NFXL1: variants seen among roughly 807,000 people sequenced by gnomAD.
NFXL1 encodes nuclear transcription factor, X-box binding like 1.
Under a neutral mutation model 123.3 loss-of-function variants are expected in NFXL1, and 66 were observed. That is an observed-to-expected ratio of 0.54 (90% confidence interval 0.44 to 0.66). The LOEUF (loss-of-function observed/expected upper bound fraction) is 0.66. Ranked by LOEUF, NFXL1 falls within the 30% of genes least tolerant of loss-of-function variation. NFXL1 has a pLI of 0.00. For synonymous variants in NFXL1, 346 were observed against 360.8 expected (o/e 0.96, Z 0.46); for missense variants, 944 against 1,125.6 (o/e 0.84, Z 2.31).
At chr4:47,854,983 T>G in intron 20 of NFXL1, 76 bp downstream of exon 20, 1 of 467,764 alleles carries the variant, frequency 2.1e-6, no homozygotes. Context: ...AACACATAGA[T>G]CAAAAAACAA....
intron 19 of NFXL1, among the ~76,000 whole-genome samples, chr4:47,859,737 G>A (rs1734615425): frequency 6.7e-6 from 1 of 149,358 alleles, no homozygotes; most frequent in African/African-American, 2.5e-5. Context: ...AGCTACTCAG[G>A]CAGCTGAGGC....
At chr4:47,887,296 A>T (rs1358789573) in intron 12 of NFXL1, among the ~76,000 whole-genome samples, 1 of 152,208 alleles carries the variant, frequency 6.6e-6, no homozygotes, top group Non-Finnish European at 1.5e-5. Context: ...AGGACCAAGC[A>T]AAACATGGAC....
At position 47,914,126 on chromosome 4, in the gene NFXL1, A is replaced by G; in HGVS notation, c.78T>C (p.Asn26=). The G allele has an allele frequency of 6.4e-7, 1 of 1,553,042 alleles. No individual in the cohort carries two copies. The highest frequency in any genetic ancestry group is 8.7e-7 in the Non-Finnish European group (1 of 1,148,764). ...RGRATAAPSG[N]GVHLRGAGGG... ...CTCCGGCGCCGCGGAGATGGACTCCATTTCCTGAGGGGGCGGCAGTGGCCC... is the reference window on the plus strand; with the variant it reads ...CTCCGGCGCCGCGGAGATGGACTCCGTTTCCTGAGGGGGCGGCAGTGGCCC... Residue 26 remains asparagine, a synonymous_variant, in exon 2 of 23, where the codon AAT becomes AAC. Coordinates refer to ENST00000507489, the MANE Select transcript of NFXL1 (RefSeq NM_001278624.2).
intron 15 of NFXL1, among the ~76,000 whole-genome samples, chr4:47,882,534 T>G (rs1029351261): frequency 6.6e-6 from 1 of 152,214 alleles, no homozygotes; most frequent in African/African-American, 2.4e-5. Flanking sequence ...ATTAAACAAC[T>G]ATAGAGCTGT....
chr4:47,877,584 T>G (rs1407542301), intron 17 of NFXL1, among the ~76,000 whole-genome samples: 1 of 152,112 alleles, frequency 6.6e-6, no homozygotes, highest in African/African-American at 2.4e-5. Flanking sequence ...TAGTTTGATT[T>G]TATAATTCTA....
intron 18 of NFXL1, among the ~76,000 whole-genome samples, chr4:47,867,084 G>C (rs920086043): frequency 1.3e-5 from 2 of 152,100 alleles, no homozygotes; most frequent in African/African-American, 2.4e-5. Context: ...ATAACTCATA[G>C]CAGTAGGTAT....
intron 10 of NFXL1, among the ~76,000 whole-genome samples, chr4:47,894,911 C>T (rs578134605): frequency 1.1e-4 from 16 of 152,254 alleles, no homozygotes; most frequent in Non-Finnish European, 2.1e-4. Flanking sequence ...CTATCTACGG[C>T]AGCTACAGCC....
chr4:47,890,053 TAATA>T, intron 12 of NFXL1, among the ~76,000 whole-genome samples: 1 of 152,044 alleles, frequency 6.6e-6, no homozygotes, highest in African/African-American at 2.4e-5. Flanking sequence ...TTTTAAAAAA[TAATA>T]AATATTATTA....
At chr4:47,892,017 T>C (rs1475674031) in intron 11 of NFXL1, among the ~76,000 whole-genome samples, 1 of 152,182 alleles carries the variant, frequency 6.6e-6, no homozygotes, top group Non-Finnish European at 1.5e-5. Flanking sequence ...TCCTATCACT[T>C]TGCCAGTGGG....
At chr4:47,911,870 C>G (rs1006427945) in intron 2 of NFXL1, among the ~76,000 whole-genome samples, 3 of 152,176 alleles carry the variant, frequency 2.0e-5, no homozygotes, top group Non-Finnish European at 2.9e-5. Context: ...GGACAGCAAA[C>G]ATAGTTTAAG....
At chr4:47,894,802 C>T (rs1190112216) in intron 10 of NFXL1, among the ~76,000 whole-genome samples, 25 of 152,104 alleles carry the variant, frequency 1.6e-4, no homozygotes, top group Non-Finnish European at 1.8e-4. Flanking sequence ...ATATTTTGAC[C>T]TACTCTCGTT....
intron 11 of NFXL1, among the ~76,000 whole-genome samples, chr4:47,892,193 A>G (rs1202258233): frequency 1.3e-5 from 2 of 152,254 alleles, no homozygotes; most frequent in East Asian, 3.8e-4. Context: ...GAGGCAGCAC[A>G]GATGGCAGTC....
intron 17 of NFXL1, among the ~76,000 whole-genome samples, chr4:47,875,531 A>C (rs1735692617): frequency 6.6e-6 from 1 of 152,206 alleles, no homozygotes; most frequent in Non-Finnish European, 1.5e-5. Flanking sequence ...AGCCTCATTA[A>C]GTCAAACTGC....
chr4:47,851,106 GT>G lies in NFXL1; in HGVS notation c.2550del (p.Lys850AsnfsTer8). ...AEAKAALEEE[K>X]RRQQAELEAF... ...TTTTGTTTGGTTACCTGTTGTCTTC[GT>G]TTTTCTTCTTCAAGAGCAGCTTTGG... On this transcript the variant is annotated frameshift_variant, in exon 22 of 23. Coordinates refer to ENST00000507489, the MANE Select transcript of NFXL1 (RefSeq NM_001278624.2). LOFTEE classifies it high-confidence loss of function. 1 of 1,610,938 alleles carries G rather than the reference GT, an allele frequency of 6.2e-7. No homozygotes were observed. The highest frequency in any genetic ancestry group is 8.5e-7 in the Non-Finnish European group (1 of 1,177,360).
At chr4:47,873,731 G>A (rs1379971485) in intron 18 of NFXL1, among the ~76,000 whole-genome samples, 1 of 152,306 alleles carries the variant, frequency 6.6e-6, no homozygotes, top group Middle Eastern at 3.4e-3. Flanking sequence ...GTCACCAGCT[G>A]CATTAGGGCC....
rs182096230 is a variant in NFXL1 at position 47,887,295 on chromosome 4, C to G, written c.1544-1296G>C. Among the ~76,000 whole-genome samples, 24 of 152,100 alleles carry G rather than the reference C, an allele frequency of 1.6e-4. No individual in the cohort carries two copies. The East Asian group carries it at 4.2e-3, about 27-fold the overall frequency. ...CTGTTGCCTAGGTGTCAGGACCAAG[C>G]AAAACATGGACCGGGAGTTAACCTG... is the stretch of plus-strand genomic sequence containing the variant. On this transcript the variant is annotated intron_variant, in intron 12 of 22. Coordinates refer to ENST00000507489, the MANE Select transcript of NFXL1 (RefSeq NM_001278624.2).
At chr4:47,856,216 GTTTCACATGTAAAA>G (rs1172627259) in intron 19 of NFXL1, among the ~76,000 whole-genome samples, 3 of 152,000 alleles carry the variant, frequency 2.0e-5, no homozygotes, top group Non-Finnish European at 1.5e-5. Context: ...ACTTCTCTGT[GTTTCACATGTAAAA>G]TTTCACATGT....
chr4:47,898,140 C>A, intron 8 of NFXL1, 59 bp from the exon 9 acceptor site: 1 of 985,960 alleles, frequency 1.0e-6, no homozygotes, highest in Non-Finnish European at 1.5e-6. Context: ...AAAAAGACTT[C>A]ATACAAGACA....
chr4:47,875,089 A>C, intron 18 of NFXL1, 38 bp downstream of exon 18: 1 of 1,392,628 alleles, frequency 7.2e-7, no homozygotes, highest in Non-Finnish European at 1.0e-6. Context: ...AATTCAACTA[A>C]TTGTAATAAA....
Sources: gnomAD v4.1 joint callset for allele counts (sites outside exome capture counted in the v4.1 genomes callset) on GRCh38, gnomAD v4.1.1 for gene constraint, MANE v1.5 for transcripts, NCBI Gene and HGNC (gene_info 2026-07-23, HGNC 2026-07-21) for gene names.